STK32A: variants seen among roughly 807,000 people sequenced by gnomAD.
STK32A encodes the protein serine/threonine-protein kinase 32A.
A neutral mutation model predicts 53.2 loss-of-function variants in STK32A; 41 were observed. That is an observed-to-expected ratio of 0.77 (90% CI 0.60 to 1.00). The LOEUF (loss-of-function observed/expected upper bound fraction) is 1.00, where lower values mean the gene tolerates loss of function less well. Ranked by LOEUF, STK32A falls within the 50% of genes least tolerant of loss-of-function variation. The probability of loss-of-function intolerance (pLI) is 0.00; values close to 1 mark genes in which losing one functional copy is unlikely to be tolerated. For missense variants in STK32A, 458 were observed against 485.8 expected, an observed-to-expected ratio of 0.94 and a Z score of 0.54; for synonymous variants, 166 against 162.8, an observed-to-expected ratio of 1.02 and a Z score of -0.15.
At chr5:147,298,843 T>C (rs1011034166) in intron 4 of STK32A, among the ~76,000 whole-genome samples, 2 of 152,102 alleles carry the variant, frequency 1.3e-5, no homozygotes, top group African/African-American at 2.4e-5. Flanking sequence ...TGTCTTTCAG[T>C]AGAGTTTCAA....
chr5:147,330,758 C>T (rs1754828211), intron 5 of STK32A, among the ~76,000 whole-genome samples: 1 of 152,202 alleles, frequency 6.6e-6, no homozygotes. Context: ...CTCTACCACA[C>T]ACTCATTCCC....
At chr5:147,305,077 C>A (rs1402826726) in intron 4 of STK32A, among the ~76,000 whole-genome samples, 1 of 151,888 alleles carries the variant, frequency 6.6e-6, no homozygotes, top group Non-Finnish European at 1.5e-5. Flanking sequence ...GGGCAAGACT[C>A]TGCTCTAAAA....
chr5:147,304,196 C>A lies in STK32A; in HGVS notation c.261-19702C>A, dbSNP rs1263056408. 2.0e-5 allele frequency among the ~76,000 whole-genome samples: 3 copies of A among 152,226 alleles called. 1 individual carries two copies. The highest frequency in any genetic ancestry group is 4.4e-5 in the Non-Finnish European group (3 of 68,008). On this transcript the variant is annotated intron_variant, in intron 4 of 12. Coordinates refer to ENST00000397936, the MANE Select transcript of STK32A (RefSeq NM_001112724.2). ...AACCAATTTTCTAACCTTGTGTCAC[C>A]CACTCAAGATTGAAAGTCCTGGGAG...
At chr5:147,395,605 C>T in the STK32A span, 7 of 1,613,840 alleles carry the variant, frequency 4.3e-6, no homozygotes, top group South Asian at 3.3e-5. Context: ...CAGGTGGGTT[C>T]GGCCGAGTAG....
Position 147,351,048 on chromosome 5 carries a change from T to G in STK32A, c.473-17T>G. 1 of 1,611,394 alleles carries G rather than the reference T, an allele frequency of 6.2e-7. No homozygotes were observed. The highest frequency in any genetic ancestry group is 8.5e-7 in the Non-Finnish European group (1 of 1,177,990). On this transcript the variant is annotated splice_polypyrimidine_tract_variant and intron_variant, in intron 6 of 12. Coordinates refer to ENST00000397936, the MANE Select transcript of STK32A (RefSeq NM_001112724.2). ...GAATGGGACTTAACTTTCTGTGTGG[T>G]TCTTCTCTCTCTGCAGGGCACGTGC...
At chr5:147,288,832 T>A (rs1391019809) in intron 4 of STK32A, among the ~76,000 whole-genome samples, 1 of 152,114 alleles carries the variant, frequency 6.6e-6, no homozygotes, top group East Asian at 1.9e-4. Flanking sequence ...GCAAACCATA[T>A]CAGTGAGTAA....
the STK32A span, among the ~76,000 whole-genome samples, chr5:147,396,417 C>T: frequency 6.6e-6 from 1 of 152,192 alleles, no homozygotes; most frequent in Non-Finnish European, 1.5e-5. Context: ...GTCAACTGGA[C>T]AAACACTGCA....
Position 147,279,194 on chromosome 5 carries a change from A to G in STK32A, c.109-53A>G, listed in dbSNP as rs150417172. ...AACATGTCTTGTTCTGTCTCTCATC[A>G]CCATGATCCATTATCTCCCTAATCA... On this transcript the variant is annotated intron_variant, in intron 3 of 12. Coordinates refer to ENST00000397936, the MANE Select transcript of STK32A (RefSeq NM_001112724.2). The G allele has an allele frequency of 9.3e-4, 1,434 of 1,538,482 alleles. 15 individuals are homozygous for G. In the African/African-American group the frequency reaches 0.017, roughly 19 times the overall value.
At chr5:147,335,316 T>C (rs1454576022) in intron 5 of STK32A, among the ~76,000 whole-genome samples, 2 of 152,190 alleles carry the variant, frequency 1.3e-5, no homozygotes, top group African/African-American at 4.8e-5. Flanking sequence ...GAAAACCTCA[T>C]AATGGTTTAA....
intron 4 of STK32A, among the ~76,000 whole-genome samples, chr5:147,302,708 A>T (rs1474053653): frequency 6.6e-6 from 1 of 152,152 alleles, no homozygotes; most frequent in African/African-American, 2.4e-5. Context: ...TGAGGAAGAG[A>T]GGTAAGCTAT....
chr5:147,376,120 G>A (rs1266428132), intron 11 of STK32A, among the ~76,000 whole-genome samples: 3 of 152,134 alleles, frequency 2.0e-5, no homozygotes, highest in Non-Finnish European at 4.4e-5. Flanking sequence ...TTGTGGTAAA[G>A]ATGGCTCTGC....
At chr5:147,297,978 CAA>C (rs60657537) in intron 4 of STK32A, among the ~76,000 whole-genome samples, 79 of 135,900 alleles carry the variant, frequency 5.8e-4, no homozygotes, top group Middle Eastern at 3.8e-3. Flanking sequence ...GACTCTGTCT[CAA>C]AAAAAAAAAA....
chr5:147,274,620 C>T (rs1465073337), intron 2 of STK32A, among the ~76,000 whole-genome samples: 1 of 152,130 alleles, frequency 6.6e-6, no homozygotes, highest in Non-Finnish European at 1.5e-5. Context: ...ACCATGGCAG[C>T]TTAAGGTGGT....
In STK32A at chr5:147,368,153, G is replaced by A. The variant is rs78385824; in HGVS notation, c.661-2501G>A. 3.6e-3 allele frequency among the ~76,000 whole-genome samples: 544 copies of A among 152,200 alleles called. 2 individuals carry two copies. The highest frequency in any genetic ancestry group is 0.013 in the African/African-American group (520 of 41,560). On this transcript the variant is annotated intron_variant, in intron 8 of 12. Coordinates refer to ENST00000397936, the MANE Select transcript of STK32A (RefSeq NM_001112724.2). ...CTACTATCTCATTGCCATTGCAAAG[G>A]CAAAGGTCCACATCTTTTATAGTTT... is the stretch of plus-strand genomic sequence containing the variant.
intron 7 of STK32A, among the ~76,000 whole-genome samples, chr5:147,357,772 G>A (rs552635248): frequency 6.6e-5 from 10 of 152,054 alleles, no homozygotes; most frequent in African/African-American, 1.7e-4. Flanking sequence ...TTGACTGAAC[G>A]GATGTGGCAA....
chr5:147,288,066 A>G (rs1427943467), intron 4 of STK32A, among the ~76,000 whole-genome samples: 2 of 152,158 alleles, frequency 1.3e-5, no homozygotes, highest in Admixed American at 6.6e-5. Flanking sequence ...TTCTCCATGC[A>G]TACTGACCTG....
chr5:147,342,719 T>A (rs944276893), intron 5 of STK32A: 3 of 415,742 alleles, frequency 7.2e-6, no homozygotes, highest in African/African-American at 5.9e-5. Flanking sequence ...TACAACATGC[T>A]ATAGGAAGTT....
chr5:147,395,148 G>A, the STK32A span, among the ~76,000 whole-genome samples: 4 of 152,298 alleles, frequency 2.6e-5, no homozygotes, highest in African/African-American at 7.2e-5. Context: ...GTTAGAAGAC[G>A]CTACTGCAAT....
At chr5:147,297,267 G>A (rs1752911388) in intron 4 of STK32A, among the ~76,000 whole-genome samples, 1 of 152,224 alleles carries the variant, frequency 6.6e-6, no homozygotes, top group Admixed American at 6.5e-5. Context: ...CTTCTCTGTT[G>A]AGCACCTACT....
Sources: gnomAD v4.1 joint callset for allele counts (sites outside exome capture counted in the v4.1 genomes callset) on GRCh38, gnomAD v4.1.1 for gene constraint, MANE v1.5 for transcripts, NCBI Gene and HGNC (gene_info 2026-07-23, HGNC 2026-07-21) for gene names.